Variants in UBE3D observed in about 807,000 individuals in gnomAD.
The protein encoded by UBE3D is ubiquitin protein ligase E3D.
Under a neutral mutation model 49.6 loss-of-function variants are expected in UBE3D, and 48 were observed. That is an observed-to-expected ratio of 0.97 (90% confidence interval 0.77 to 1.23). The LOEUF is 1.23. Ranked by LOEUF, UBE3D falls within the 50% of genes most tolerant of loss-of-function variation. UBE3D has a pLI of 0.00. For synonymous variants in UBE3D, 189 were observed against 174.2 expected (o/e 1.08, Z -0.67); for missense variants, 452 against 468.4 (o/e 0.96, Z 0.32).
At chr6:82,985,400 T>C (rs1225068230) in intron 8 of UBE3D, among the ~76,000 whole-genome samples, 1 of 152,118 alleles carries the variant, frequency 6.6e-6, no homozygotes, top group Non-Finnish European at 1.5e-5. Context: ...TCTCTTTCTG[T>C]TGCCCAGGCT....
intron 4 of UBE3D, among the ~76,000 whole-genome samples, chr6:83,038,886 T>G (rs1037906589): frequency 9.9e-5 from 15 of 152,252 alleles, no homozygotes; most frequent in African/African-American, 3.6e-4. Context: ...GAACTTGAAC[T>G]CACACTATTT....
intron 8 of UBE3D, among the ~76,000 whole-genome samples, chr6:82,984,401 T>C (rs1028871389): frequency 3.3e-5 from 5 of 152,182 alleles, no homozygotes; most frequent in African/African-American, 1.2e-4. Flanking sequence ...TTTCCATCAA[T>C]GTGTCCCTGA....
intron 8 of UBE3D, among the ~76,000 whole-genome samples, chr6:82,966,128 G>A (rs1223331440): frequency 3.3e-5 from 5 of 151,880 alleles, no homozygotes; most frequent in African/African-American, 4.8e-5. Context: ...GCAACTGATC[G>A]GTATGTCTTT....
chr6:83,023,341 C>T (rs1032709960), intron 6 of UBE3D, among the ~76,000 whole-genome samples: 1 of 152,134 alleles, frequency 6.6e-6, no homozygotes, highest in Admixed American at 6.6e-5. Context: ...TTTATAAGAG[C>T]ACATTTGTCT....
intron 8 of UBE3D, chr6:83,017,790 T>A (rs1162003485): frequency 6.6e-6 from 1 of 151,986 alleles, no homozygotes; most frequent in Non-Finnish European, 1.5e-5. Flanking sequence ...AAACTTATAA[T>A]CAGAAAACAA....
intron 9 of UBE3D, among the ~76,000 whole-genome samples, chr6:82,904,040 A>C (rs1260352191): frequency 2.0e-5 from 3 of 152,170 alleles, no homozygotes; most frequent in Non-Finnish European, 4.4e-5. Flanking sequence ...AAAGCGGTAG[A>C]TTCTCCATGA....
At chr6:83,017,825 A>G (rs995695970) in intron 8 of UBE3D, 1 of 152,182 alleles carries the variant, frequency 6.6e-6, no homozygotes, top group African/African-American at 2.4e-5. Context: ...AACACTAATT[A>G]TAACAGCAAA....
Position 83,045,114 on chromosome 6 carries a change from T to C in UBE3D, c.366-455A>G, listed in dbSNP as rs141291120. On this transcript the variant is annotated intron_variant, in intron 3 of 9. Transcript: ENST00000369747. ...TTTTGAGTTTTTCATTATCAATAACTCTGTGATGAATGTTCCTGTTAGAAT... is the reference window on the plus strand; with the variant it reads ...TTTTGAGTTTTTCATTATCAATAACCCTGTGATGAATGTTCCTGTTAGAAT... Among the ~76,000 whole-genome samples, 432 of 152,310 alleles carry C rather than the reference T, an allele frequency of 2.8e-3. 1 individual carries two copies. The highest frequency in any genetic ancestry group is 9.0e-3 in the African/African-American group (374 of 41,584).
rs184439330 is a variant in UBE3D, at chr6:82,954,461, C to T, written c.1149+2851G>A. Among the ~76,000 whole-genome samples, 111 of 152,180 alleles carry T rather than the reference C, an allele frequency of 7.3e-4. 3 individuals carry two copies. The East Asian group carries it at 0.02, about 27-fold the overall frequency. ...GTTGTTTTAATTAATAAGATAAACT[C>T]TTCTTTTTGAGATTCAGCAGTGATA... is the stretch of plus-strand genomic sequence containing the variant. On this transcript the variant is annotated intron_variant, in intron 9 of 9. Coordinates refer to ENST00000369747, the MANE Select transcript of UBE3D (RefSeq NM_198920.3).
intron 8 of UBE3D, among the ~76,000 whole-genome samples, chr6:82,985,986 G>A (rs1413729600): frequency 6.6e-6 from 1 of 151,680 alleles, no homozygotes; most frequent in Admixed American, 6.6e-5. Context: ...TATTTTCAAG[G>A]GTTTTCCTAA....
intron 8 of UBE3D, among the ~76,000 whole-genome samples, chr6:82,970,695 C>A (rs1006079418): frequency 1.3e-5 from 2 of 151,840 alleles, no homozygotes; most frequent in African/African-American, 4.8e-5. Flanking sequence ...AAAAATTAGC[C>A]GGGCGTGGTG....
intron 9 of UBE3D, among the ~76,000 whole-genome samples, chr6:82,896,485 T>C (rs1771327635): frequency 6.6e-6 from 1 of 152,144 alleles, no homozygotes; most frequent in Non-Finnish European, 1.5e-5. Flanking sequence ...ATAGTGACAC[T>C]TGGAAATGGA....
chr6:83,039,972 A>T (rs1167655932), intron 4 of UBE3D, among the ~76,000 whole-genome samples: 1 of 152,164 alleles, frequency 6.6e-6, no homozygotes, highest in Non-Finnish European at 1.5e-5. Context: ...ATACAATAGA[A>T]CAGAAAATAT....
chr6:82,970,229 C>G lies in UBE3D; in HGVS notation c.1011-12779G>C, dbSNP rs144223237. 1.4e-3 allele frequency among the ~76,000 whole-genome samples: 206 copies of G among 150,900 alleles called. 1 individual carries two copies. The highest frequency in any genetic ancestry group is 2.6e-3 in the Non-Finnish European group (175 of 67,656). ...TCTGGAAGAAAATAAATTTAAAAAC[C>G]TATCATATCATTTTCAAAAATAAAT... On this transcript the variant is annotated intron_variant, in intron 8 of 9. Coordinates refer to ENST00000369747, the MANE Select transcript of UBE3D (RefSeq NM_198920.3).
chr6:82,939,557 C>T lies in UBE3D; in HGVS notation c.1149+17755G>A, dbSNP rs114118576. ...TTCTATGTTTAGATATATTTTGATA[C>T]ACAAATACTTACCATTGTATTACAA... is the stretch of plus-strand genomic sequence containing the variant. On this transcript the variant is annotated intron_variant, in intron 9 of 9. Coordinates refer to ENST00000369747, the MANE Select transcript of UBE3D (RefSeq NM_198920.3). Among the ~76,000 whole-genome samples, 676 of 152,266 alleles carry T rather than the reference C, an allele frequency of 4.4e-3. 5 individuals are homozygous for T. The highest frequency in any genetic ancestry group is 0.016 in the African/African-American group (651 of 41,546).
intron 9 of UBE3D, among the ~76,000 whole-genome samples, chr6:82,952,411 T>G (rs956777940): frequency 6.6e-6 from 1 of 151,578 alleles, no homozygotes; most frequent in Non-Finnish European, 1.5e-5. Context: ...ATTTATATTA[T>G]TATCTGATTA....
At chr6:82,920,135 A>G (rs1773219705) in intron 9 of UBE3D, among the ~76,000 whole-genome samples, 1 of 152,220 alleles carries the variant, frequency 6.6e-6, no homozygotes, top group Admixed American at 6.5e-5. Context: ...AATACCACAC[A>G]GTTGACTGAA....
chr6:83,035,260 C>A (rs1339326474), intron 5 of UBE3D, among the ~76,000 whole-genome samples: 1 of 152,108 alleles, frequency 6.6e-6, no homozygotes. Flanking sequence ...AGTCCTGCTG[C>A]CCACTCCTTA....
At chr6:82,993,945 T>A (rs949935209) in intron 8 of UBE3D, among the ~76,000 whole-genome samples, 1 of 152,172 alleles carries the variant, frequency 6.6e-6, no homozygotes, top group South Asian at 2.1e-4. Flanking sequence ...ACTTCATTAA[T>A]CTAGAAACAA....
Sources: allele counts gnomAD v4.1 joint callset (sites outside exome capture counted in the v4.1 genomes callset), GRCh38; gene constraint gnomAD v4.1.1; transcripts MANE v1.5; gene names NCBI Gene and HGNC (gene_info 2026-07-23, HGNC 2026-07-21).